STPG2: variants seen among roughly 807,000 people sequenced by gnomAD.
STPG2 encodes sperm tail PG-rich repeat containing 2.
Under a neutral mutation model 54.2 loss-of-function variants are expected in STPG2, and 56 were observed. The ratio of observed to expected loss-of-function variants is 1.03; its 90% confidence interval spans 0.83 to 1.29. The LOEUF (loss-of-function observed/expected upper bound fraction) is 1.29. Among genes scored for constraint, STPG2 ranks in the 50% most tolerant of loss-of-function variants. STPG2 has a pLI of 0.00. For missense variants in STPG2, 596 were observed against 544.9 expected (o/e 1.09, Z -0.93); for synonymous variants, 200 against 181.8 (o/e 1.10, Z -0.81).
chr4:97,590,662 C>CAT (rs1733122337), intron 10 of STPG2, among the ~76,000 whole-genome samples: 1 of 151,122 alleles, frequency 6.6e-6, no homozygotes, highest in Non-Finnish European at 1.5e-5. Flanking sequence ...CACACACACA[C>CAT]ACACACACAC....
At chr4:97,986,844 G>A (rs1438343910) in intron 5 of STPG2, among the ~76,000 whole-genome samples, 2 of 151,970 alleles carry the variant, frequency 1.3e-5, no homozygotes, top group Non-Finnish European at 2.9e-5. Context: ...CTCACACTAT[G>A]CCTATTAGAC....
intron 5 of STPG2, among the ~76,000 whole-genome samples, chr4:98,075,889 C>T (rs1738149953): frequency 1.3e-5 from 2 of 152,076 alleles, no homozygotes; most frequent in Non-Finnish European, 2.9e-5. Flanking sequence ...AGGTCTGAAA[C>T]CCTTGAGGGC....
intron 10 of STPG2, among the ~76,000 whole-genome samples, chr4:97,616,907 G>C (rs1339969642): frequency 1.3e-5 from 2 of 151,866 alleles, no homozygotes; most frequent in African/African-American, 4.8e-5. Context: ...GGAAGAAAGG[G>C]GGCATATTAT....
At chr4:97,506,019 CAAAAAAAAAAAAAAAA>C (rs59206485) in intron 4 of STPG2, among the ~76,000 whole-genome samples, 8 of 16,932 alleles carry the variant, frequency 4.7e-4, no homozygotes, top group Middle Eastern at 0.083. Flanking sequence ...AATAGGAGAC[CAAAAAAAAAAAAAAAA>C]AAAAAAAAAA....
intron 10 of STPG2, among the ~76,000 whole-genome samples, chr4:97,673,416 G>C (rs967036977): frequency 1.3e-5 from 2 of 152,018 alleles, no homozygotes; most frequent in Non-Finnish European, 2.9e-5. Flanking sequence ...TGGATTTAAG[G>C]AAAAATTCAA....
In STPG2 at chr4:97,596,801, T is replaced by C. The variant is rs9784502; in HGVS notation, c.1321-37684A>G. The stretch of plus-strand genomic sequence containing the variant: ...AGAAGTTTAATAGCACTAACTGCCC[T>C]CACCAAAAAGTGAGAAAAATCTAAA... On this transcript the variant is annotated intron_variant, in intron 10 of 10. Transcript: ENST00000295268. Among the ~76,000 whole-genome samples the C allele has an allele frequency of 4.1e-3, 627 of 152,018 alleles. 3 individuals carry two copies. Among genetic ancestry groups the C allele is most frequent in the African/African-American group, 0.014 (599 of 41,496 alleles).
intron 10 of STPG2, among the ~76,000 whole-genome samples, chr4:97,640,420 C>T (rs1451712539): frequency 4.0e-5 from 6 of 151,678 alleles, no homozygotes; most frequent in African/African-American, 1.5e-4. Context: ...AAAATTGGTA[C>T]AGAAAAGTGA....
At chr4:97,865,702 G>T (rs925576160) in intron 8 of STPG2, among the ~76,000 whole-genome samples, 2 of 151,924 alleles carry the variant, frequency 1.3e-5, no homozygotes, top group Admixed American at 6.6e-5. Context: ...GGCCTGTTGT[G>T]GGGTAGGGTG....
intron 9 of STPG2, among the ~76,000 whole-genome samples, chr4:97,772,353 T>C (rs890426117): frequency 5.3e-5 from 8 of 152,162 alleles, no homozygotes; most frequent in Admixed American, 2.6e-4. Flanking sequence ...GACTAAGAAA[T>C]GATTGTACAA....
At chr4:97,733,071 C>G (rs1330668942) in intron 9 of STPG2, among the ~76,000 whole-genome samples, 1 of 152,004 alleles carries the variant, frequency 6.6e-6, no homozygotes, top group Non-Finnish European at 1.5e-5. Context: ...TTCAATCCAG[C>G]AATCCCACTA....
intron 5 of STPG2, among the ~76,000 whole-genome samples, chr4:98,009,454 T>C (rs1056435589): frequency 6.6e-6 from 1 of 152,076 alleles, no homozygotes; most frequent in African/African-American, 2.4e-5. Flanking sequence ...ATACTTAATA[T>C]AGTTTCACTC....
intron 2 of STPG2, among the ~76,000 whole-genome samples, chr4:98,132,541 T>G (rs980765960): frequency 6.6e-6 from 1 of 152,020 alleles, no homozygotes; most frequent in Non-Finnish European, 1.5e-5. Context: ...CTGGATTATC[T>G]GAAATAAACT....
intron 8 of STPG2, among the ~76,000 whole-genome samples, chr4:97,852,967 C>CTT (rs574886386): frequency 0.012 from 829 of 69,660 alleles, 162 homozygotes; most frequent in African/African-American, 0.044. Context: ...AACATATTTT[C>CTT]TTTTTTTTTT....
chr4:97,497,432 T>C (rs775859517), intron 4 of STPG2, among the ~76,000 whole-genome samples: 31 of 151,816 alleles, frequency 2.0e-4, no homozygotes, highest in Non-Finnish European at 4.3e-4. Context: ...AGGCAATACT[T>C]TTCTCCCCAT....
intron 5 of STPG2, among the ~76,000 whole-genome samples, chr4:98,075,831 C>T (rs1738147311): frequency 6.6e-6 from 1 of 152,184 alleles, no homozygotes; most frequent in Admixed American, 6.5e-5. Flanking sequence ...AGTACTCTAT[C>T]CTGCATAATA....
chr4:98,086,484 CACCT>C (rs1738516635), intron 5 of STPG2, among the ~76,000 whole-genome samples: 1 of 151,928 alleles, frequency 6.6e-6, no homozygotes, highest in Non-Finnish European at 1.5e-5. Context: ...AAATTTTAAA[CACCT>C]ACAACTCCAC....
At chr4:97,770,429 C>T (rs1445701809) in intron 9 of STPG2, among the ~76,000 whole-genome samples, 5 of 152,084 alleles carry the variant, frequency 3.3e-5, no homozygotes, top group Non-Finnish European at 7.4e-5. Context: ...CAAAGAACTG[C>T]CATGTGCCTA....
chr4:98,062,459 TA>T (rs1426592518), intron 5 of STPG2, among the ~76,000 whole-genome samples: 1 of 151,700 alleles, frequency 6.6e-6, no homozygotes, highest in African/African-American at 2.4e-5. Flanking sequence ...AAAAGTTGTA[TA>T]AAAAAACAAA....
chr4:97,807,164 T>C (rs1182225572), intron 9 of STPG2, among the ~76,000 whole-genome samples: 1 of 151,160 alleles, frequency 6.6e-6, no homozygotes, highest in Admixed American at 6.6e-5. Context: ...TCAATATTAA[T>C]TATATTATAT....
Sources: gnomAD v4.1 joint callset for allele counts (sites outside exome capture counted in the v4.1 genomes callset) on GRCh38, gnomAD v4.1.1 for gene constraint, MANE v1.5 for transcripts, NCBI Gene and HGNC (gene_info 2026-07-23, HGNC 2026-07-21) for gene names.